Variants in SLC44A3 observed in about 807,000 individuals in gnomAD.
SLC44A3 encodes choline transporter-like protein 3.
A neutral mutation model predicts 75.4 loss-of-function variants in SLC44A3; 74 were observed. The observed-to-expected ratio is 0.98, with a 90% CI of 0.81 to 1.19. The LOEUF is 1.19. SLC44A3 is among the 50% of genes most tolerant of loss of function. The pLI, the probability that SLC44A3 is intolerant of heterozygous loss-of-function variation, is 0.00. For missense variants in SLC44A3, 700 were observed against 778.6 expected, an observed-to-expected ratio of 0.90 and a Z score of 1.20; for synonymous variants, 310 against 296.9, an observed-to-expected ratio of 1.04 and a Z score of -0.45.
intron 9 of SLC44A3, among the ~76,000 whole-genome samples, chr1:94,848,182 C>T (rs139695703): frequency 0.019 from 2,918 of 150,996 alleles, 77 homozygotes; most frequent in African/African-American, 0.063. Flanking sequence ...TGAGCTGAGA[C>T]CACACCACTG....
rs146621899 is a variant in SLC44A3, at chr1:94,821,491, G to A, written c.135+435G>A. 1.3e-3 allele frequency among the ~76,000 whole-genome samples: 204 copies of A among 152,246 alleles called. 7 individuals carry two copies. The highest frequency in any genetic ancestry group is 2.5e-3 in the Admixed American group (38 of 15,304). Reference sequence around the variant, plus strand: ...CTTTAGCTGAACATCACACACACACGCGCGCGAGAGATATGTTGTGTTTAG... The same window carrying A: ...CTTTAGCTGAACATCACACACACACACGCGCGAGAGATATGTTGTGTTTAG... On this transcript the variant is annotated intron_variant, in intron 2 of 14. Coordinates refer to ENST00000271227, the MANE Select transcript of SLC44A3 (RefSeq NM_001114106.3).
At chr1:94,831,711 T>C (rs1662157988) in intron 5 of SLC44A3, among the ~76,000 whole-genome samples, 1 of 152,238 alleles carries the variant, frequency 6.6e-6, no homozygotes, top group South Asian at 2.1e-4. Flanking sequence ...CTCTCCCACA[T>C]AGGTGCCTGT....
At chr1:94,871,441 C>T (rs548658342) in intron 12 of SLC44A3, among the ~76,000 whole-genome samples, 1 of 152,328 alleles carries the variant, frequency 6.6e-6, no homozygotes, top group African/African-American at 2.4e-5. Flanking sequence ...CCCTCTCCCT[C>T]CCAGCACTTT....
At chr1:94,833,307 CTT>C (rs1000845721) in intron 5 of SLC44A3, among the ~76,000 whole-genome samples, 1 of 152,196 alleles carries the variant, frequency 6.6e-6, no homozygotes, top group Non-Finnish European at 1.5e-5. Flanking sequence ...GTTTTGGGTT[CTT>C]CGGGGCTCTT....
At chr1:94,828,060 C>A (rs1353792099) in intron 4 of SLC44A3, among the ~76,000 whole-genome samples, 1 of 152,074 alleles carries the variant, frequency 6.6e-6, no homozygotes, top group Non-Finnish European at 1.5e-5. Flanking sequence ...ATTTTTGGGG[C>A]CAATAGATAC....
chr1:94,850,789 A>G (rs1422287424), intron 9 of SLC44A3, among the ~76,000 whole-genome samples: 2 of 152,340 alleles, frequency 1.3e-5, no homozygotes, highest in African/African-American at 4.8e-5. Flanking sequence ...TGACCAAGGA[A>G]CATCTAGTAC....
At chr1:94,858,670 C>T (rs1378861566) in intron 10 of SLC44A3, among the ~76,000 whole-genome samples, 2 of 111,902 alleles carry the variant, frequency 1.8e-5, no homozygotes, top group African/African-American at 3.1e-5. Context: ...GGAGCACTGT[C>T]GGGTGTTTGT....
intron 9 of SLC44A3, among the ~76,000 whole-genome samples, chr1:94,851,620 G>A (rs1375664738): frequency 6.6e-6 from 1 of 152,250 alleles, no homozygotes; most frequent in African/African-American, 2.4e-5. Flanking sequence ...GTTGTGAAAT[G>A]AGATGGATAC....
chr1:94,861,022 T>G (rs1014380725), intron 10 of SLC44A3, among the ~76,000 whole-genome samples: 13 of 152,058 alleles, frequency 8.5e-5, no homozygotes, highest in African/African-American at 3.1e-4. Context: ...TACACGTTGG[T>G]GAAGCGTTCG....
chr1:94,892,289 GGT>G lies in SLC44A3; in HGVS notation c.1634_1635del (p.Cys545PhefsTer11). The G allele has an allele frequency of 1.2e-6, 2 of 1,613,830 alleles. No individual in the cohort carries two copies. Among genetic ancestry groups the G allele is most frequent in the African/African-American group, 2.7e-5 (2 of 75,000 alleles). On this transcript the variant is annotated frameshift_variant, in exon 14 of 15. Coordinates refer to ENST00000271227, the MANE Select transcript of SLC44A3 (RefSeq NM_001114106.3). LOFTEE classifies it high-confidence loss of function. ...ACTCTTCTTTTGCACAGGTGTTAGTGGTGTGTTTCACTGTTTTTGGAGGACTC... is the reference window on the plus strand; with the variant it reads ...ACTCTTCTTTTGCACAGGTGTTAGTGGTGTTTCACTGTTTTTGGAGGACTC... ...FIIFLGKVLV[V>X]CFTVFGGLMA...
In SLC44A3 at chr1:94,841,899, G is replaced by A. The variant is rs77331839; in HGVS notation, c.761-101G>A. ...ACCCACTGCCAGAGCAGTGCCACGC[G>A]GCCGGTGGGCAGTGGCTGGACTTCC... On this transcript the variant is annotated intron_variant, in intron 7 of 14. Coordinates refer to ENST00000271227, the MANE Select transcript of SLC44A3 (RefSeq NM_001114106.3). The A allele has an allele frequency of 5.3e-3, 7,655 of 1,445,376 alleles. 414 individuals are homozygous for A. In the African/African-American group the frequency reaches 0.1, roughly 19 times the overall value. The allele number at this position is 1,445,376 out of a possible 1,614,324, so 89.5% of individuals were successfully genotyped here. A position where few individuals can be genotyped will look rare whatever the true frequency, so the allele number is the denominator to read the frequency against.
chr1:94,854,507 T>A (rs1349250739), intron 9 of SLC44A3, among the ~76,000 whole-genome samples: 3 of 152,200 alleles, frequency 2.0e-5, no homozygotes, highest in South Asian at 2.1e-4. Context: ...TAGTGCCCAG[T>A]CCATAGAGAC....
chr1:94,867,803 A>G (rs859094), intron 12 of SLC44A3, among the ~76,000 whole-genome samples: 149,922 of 152,336 alleles, frequency 0.98, 73,786 homozygotes, highest in Non-Finnish European at 0.99. Flanking sequence ...CTAGCTCCTG[A>G]GCTGTAGTTT....
intron 3 of SLC44A3, among the ~76,000 whole-genome samples, chr1:94,827,156 G>A (rs1351548387): frequency 6.6e-6 from 1 of 152,164 alleles, no homozygotes; most frequent in East Asian, 1.9e-4. Context: ...GTTCTCCGTG[G>A]AGTCCATTGA....
At chr1:94,828,458 A>C (rs1310813325) in intron 4 of SLC44A3, 35 bp from the exon 5 acceptor site, 2 of 1,571,208 alleles carry the variant, frequency 1.3e-6, no homozygotes, top group South Asian at 2.3e-5. Flanking sequence ...ACTCACCTGG[A>C]AAGAAGGTAT....
At position 94,867,360 on chromosome 1, in the gene SLC44A3, C is replaced by A. The variant is rs756437074; in HGVS notation, c.1425C>A (p.Phe475Leu). The change falls in exon 12 of 15, where the codon TTC becomes TTA. Residue 475 changes from phenylalanine (F) to leucine (L), a missense_variant. Physicochemically the swap from Phe to Leu is conservative, Grantham distance 22 (BLOSUM62 0). Transcript: ENST00000271227. ...ATGGTGCATTGTCCAGGTACCTGTT[C>A]CGATGCTGCTACTGCTGTTTCTGGT... Reference protein sequence around the residue: ...QQHGALSRYLFRCCYCCFWCL... With the variant: ...QQHGALSRYLLRCCYCCFWCL... 6.2e-7 allele frequency: 1 copy of A among 1,602,052 alleles called. No homozygotes were observed. The highest frequency in any genetic ancestry group is 1.7e-5 in the Admixed American group (1 of 59,304).
intron 12 of SLC44A3, among the ~76,000 whole-genome samples, chr1:94,888,966 G>A (rs6660923): frequency 0.17 from 25,042 of 151,554 alleles, 2,478 homozygotes; most frequent in African/African-American, 0.27. Flanking sequence ...CACCATGTTG[G>A]TCAGGCTGGT....
In SLC44A3 at chr1:94,840,010, A is replaced by C. The variant is rs762424405; in HGVS notation, c.733A>C (p.Ile245Leu). The C allele has an allele frequency of 6.2e-7, 1 of 1,613,588 alleles. No homozygotes were observed. The highest frequency in any genetic ancestry group is 1.3e-5 in the African/African-American group (1 of 74,798). ...FITTLLVHIF[I>L]SLVILGLLFV... ...CACCACCCTTCTGGTTCACATTTTC[A>C]TTTCATTGGTTATTTTGGGATTGTT... is the stretch of plus-strand genomic sequence containing the variant. Residue 245 changes from isoleucine to leucine, a missense_variant, in exon 7 of 15, where the codon ATT becomes CTT. Transcript: ENST00000271227.
At position 94,828,708 on chromosome 1, in the gene SLC44A3, G is replaced by T. The variant is rs993305144; in HGVS notation, c.509+122G>T. The T allele has an allele frequency of 3.4e-5, 27 of 796,210 alleles. No homozygotes were observed. The Middle Eastern group carries it at 1.2e-3, about 36-fold the overall frequency. 49.3% of individuals were successfully genotyped at this position (796,210 alleles called of 1,614,324 possible). On this transcript the variant is annotated intron_variant, in intron 5 of 14. Transcript: ENST00000271227. The stretch of plus-strand genomic sequence containing the variant: ...TCAGAAGAGCCCCTGCCTGCAGGGA[G>T]CTTACAGTCTACGGAGGCCAGCGAT...
Sources: allele counts gnomAD v4.1 joint callset (sites outside exome capture counted in the v4.1 genomes callset), GRCh38; gene constraint gnomAD v4.1.1; transcripts MANE v1.5; gene names NCBI Gene and HGNC (gene_info 2026-07-23, HGNC 2026-07-21).